PAXIP1: variants seen among roughly 807,000 people sequenced by gnomAD.
PAXIP1 encodes the protein PAX-interacting protein 1.
PAXIP1 carries 19 observed loss-of-function variants against 140.6 expected under a neutral mutation model. The ratio of observed to expected loss-of-function variants is 0.14; its 90% CI spans 0.09 to 0.20. The LOEUF (loss-of-function observed/expected upper bound fraction) is 0.20, where lower values mean the gene tolerates loss of function less well. Ranked by LOEUF, PAXIP1 falls within the 10% of genes least tolerant of loss-of-function variation. The pLI, the probability that PAXIP1 is intolerant of heterozygous loss-of-function variation, is 1.00. For missense variants in PAXIP1, 920 were observed against 1,208.6 expected, an observed-to-expected ratio of 0.76 and a Z score of 3.54; for synonymous variants, 442 against 444.6, an observed-to-expected ratio of 0.99 and a Z score of 0.07.
chr7:154,955,003 C>T (rs996789788), intron 15 of PAXIP1, among the ~76,000 whole-genome samples: 2 of 152,172 alleles, frequency 1.3e-5, no homozygotes, highest in African/African-American at 4.8e-5. Flanking sequence ...TAATACAGGT[C>T]AACTTATACT....
intron 5 of PAXIP1, 137 bp downstream of exon 5, chr7:154,983,082 T>C: frequency 1.9e-6 from 1 of 517,652 alleles, no homozygotes; most frequent in Non-Finnish European, 3.4e-6. Context: ...AAGCTGGATA[T>C]AAATAATATA....
At position 154,997,450 on chromosome 7, in the gene PAXIP1, G is replaced by A. The variant is rs537696175; in HGVS notation, c.216+1200C>T. 2.0e-5 allele frequency among the ~76,000 whole-genome samples: 3 copies of A among 152,168 alleles called. No homozygotes were observed. In the East Asian group the frequency reaches 5.8e-4, roughly 29 times the overall value. Reference sequence around the variant, plus strand: ...TTTCTTAATTCCTAACACTGTTATTGTTAAACCACAGTAACTTTCATACTG... The same window carrying A: ...TTTCTTAATTCCTAACACTGTTATTATTAAACCACAGTAACTTTCATACTG... On this transcript the variant is annotated intron_variant, in intron 2 of 20. Transcript: ENST00000404141.
At chr7:154,969,273 T>C in intron 6 of PAXIP1, 147 bp from the exon 7 acceptor site, 1 of 843,002 alleles carries the variant, frequency 1.2e-6, no homozygotes. Flanking sequence ...GCAAAAACAA[T>C]ACTGCATTTT....
intron 5 of PAXIP1, 124 bp from the exon 6 acceptor site, chr7:154,976,455 C>T: frequency 7.6e-7 from 1 of 1,311,924 alleles, no homozygotes; most frequent in Non-Finnish European, 1.0e-6. Context: ...ACTATTATTA[C>T]AATTTTATAC....
rs1036047990 is a variant in PAXIP1 at position 155,002,964 on chromosome 7, C to T, written c.-35G>A. The T allele has an allele frequency of 3.9e-6, 4 of 1,014,340 alleles. No homozygotes were observed. Among genetic ancestry groups the T allele is most frequent in the Non-Finnish European group, 3.7e-6 (3 of 818,218 alleles). The allele number at this position is 1,014,340 out of a possible 1,614,324, so 62.8% of individuals were successfully genotyped here. On this transcript the variant is annotated 5_prime_UTR_variant, in exon 1 of 21. Transcript: ENST00000404141. ...GGCCCGGGAGGCTCCGCGGCGGCGCCCGGCCCCGCCCACCCCCCGCCCCCG... is the reference window on the plus strand; with the variant it reads ...GGCCCGGGAGGCTCCGCGGCGGCGCTCGGCCCCGCCCACCCCCCGCCCCCG...
At chr7:154,991,145 C>T in intron 3 of PAXIP1, 76 bp from the exon 4 acceptor site, 1 of 682,416 alleles carries the variant, frequency 1.5e-6, no homozygotes, top group Non-Finnish European at 2.5e-6. Context: ...ATTACCCACC[C>T]ACTCCGTCCC....
chr7:154,981,718 GATAA>G (rs1182260811), intron 5 of PAXIP1, among the ~76,000 whole-genome samples: 2 of 152,184 alleles, frequency 1.3e-5, no homozygotes, highest in African/African-American at 4.8e-5. Context: ...TCTTTGTTGG[GATAA>G]ATAAAGCTCA....
intron 13 of PAXIP1, among the ~76,000 whole-genome samples, chr7:154,959,610 C>A (rs1808666388): frequency 6.6e-6 from 1 of 152,184 alleles, no homozygotes; most frequent in Non-Finnish European, 1.5e-5. Flanking sequence ...ACTCCCAACT[C>A]AGGACACTAT....
intron 4 of PAXIP1, among the ~76,000 whole-genome samples, chr7:154,990,293 G>A (rs1019910076): frequency 6.6e-5 from 10 of 151,922 alleles, no homozygotes; most frequent in East Asian, 5.8e-4. Flanking sequence ...CGCCCACCTC[G>A]GCCTCCCAAA....
chr7:154,997,147 G>A (rs554900583), intron 2 of PAXIP1, among the ~76,000 whole-genome samples: 27 of 152,280 alleles, frequency 1.8e-4, no homozygotes, highest in Admixed American at 1.1e-3. Context: ...GGCAGTTTCC[G>A]ACCCTGGGTA....
intron 20 of PAXIP1, chr7:154,944,471 C>T: frequency 4.6e-6 from 1 of 217,650 alleles, no homozygotes; most frequent in Non-Finnish European, 9.3e-6. Context: ...GTACAACACA[C>T]AACCCCCAAG....
Position 154,960,941 on chromosome 7 carries a change from G to A in PAXIP1, c.2386C>T (p.Leu796=). ...TGGGTAGGGGCAAATGGATCCTGCA[G>A]ACTGAATGCCGTGTAGCGACTATAC... The part of the protein sequence containing the change: ...IQYSRYTAFS[L]QDPFAPTQHL... Residue 796 remains leucine (L), a synonymous_variant, in exon 12 of 21, where the codon CTG becomes TTG. Transcript: ENST00000404141. 2 of 1,604,190 alleles carry A rather than the reference G, an allele frequency of 1.2e-6. No individual in the cohort carries two copies. Among genetic ancestry groups the A allele is most frequent in the South Asian group, 2.2e-5 (2 of 88,914 alleles).
chr7:154,975,552 ACAC>A, intron 6 of PAXIP1, 141 bp downstream of exon 6: 1 of 589,200 alleles, frequency 1.7e-6, no homozygotes, highest in South Asian at 2.0e-5. Context: ...ACACACACAC[ACAC>A]AAGTAAACAG....
rs1454052299 is a variant in PAXIP1, at chr7:154,946,598, GA to G, written c.3058-12del. The G allele has an allele frequency of 5.0e-6, 8 of 1,613,410 alleles. No homozygotes were observed. In the East Asian group the frequency reaches 1.6e-4, roughly 31 times the overall value. ...TATTTCCGACAAACTCTAAGGAAAA[GA>G]AAATGAGTTTCTCAGTGACCGAACG... On this transcript the variant is annotated splice_polypyrimidine_tract_variant and intron_variant, in intron 18 of 20. Transcript: ENST00000404141. This position sits in a 1 kb window ranked among gnomAD's most constrained non-coding sequence, Gnocchi z 4.9.
intron 4 of PAXIP1, 188 bp from the exon 5 acceptor site, chr7:154,983,520 T>C: frequency 2.1e-6 from 1 of 480,542 alleles, no homozygotes; most frequent in Non-Finnish European, 3.6e-6. Flanking sequence ...ACTCCTATCA[T>C]AATAGTTTTA....
intron 6 of PAXIP1, among the ~76,000 whole-genome samples, chr7:154,972,078 G>A (rs893116146): frequency 6.6e-6 from 1 of 152,150 alleles, no homozygotes; most frequent in African/African-American, 2.4e-5. Context: ...GCAGAGATGT[G>A]CCCAAACTCC....
At chr7:154,982,307 G>A (rs969837013) in intron 5 of PAXIP1, among the ~76,000 whole-genome samples, 2 of 152,164 alleles carry the variant, frequency 1.3e-5, no homozygotes, top group Non-Finnish European at 2.9e-5. Flanking sequence ...CACACTGACT[G>A]TTGGGCTCAT....
chr7:154,946,841 A>C lies in PAXIP1; in HGVS notation c.2923-28T>G. 1.4e-6 allele frequency: 2 copies of C among 1,476,222 alleles called. No individual in the cohort carries two copies. The highest frequency in any genetic ancestry group is 4.1e-5 in the Admixed American group (2 of 49,066). 91.4% of individuals were successfully genotyped at this position (1,476,222 alleles called of 1,614,324 possible). On this transcript the variant is annotated intron_variant, in intron 17 of 20. Transcript: ENST00000404141. The surrounding 1 kb of genome is among the most constrained non-coding windows in gnomAD (Gnocchi z 4.9). ...AAAATTAAATGAAAATATATGTATT[A>C]TGTTCTTAAAATGCTTTAATTTTTA...
chr7:154,974,549 T>C (rs1164371056), intron 6 of PAXIP1: 1 of 152,266 alleles, frequency 6.6e-6, no homozygotes, highest in African/African-American at 2.4e-5. Context: ...GTTCTTCACA[T>C]GGCCTCTCCT....
Sources: allele counts gnomAD v4.1 joint callset (sites outside exome capture counted in the v4.1 genomes callset), GRCh38; gene constraint gnomAD v4.1.1; non-coding constraint Gnocchi (gnomAD v3.1); transcripts MANE v1.5; gene names NCBI Gene and HGNC (gene_info 2026-07-23, HGNC 2026-07-21).